Variants in FKBP1B observed in about 807,000 individuals in gnomAD.
FKBP1B encodes peptidyl-prolyl cis-trans isomerase FKBP1B.
In FKBP1B, 4 loss-of-function variants were observed where a neutral mutation model predicts 13.5. That is an observed-to-expected ratio of 0.30 (90% CI 0.15 to 0.68). The LOEUF is 0.68. FKBP1B is among the 30% of genes least tolerant of loss of function. The pLI is 0.76. For missense variants in FKBP1B, 93 were observed against 136.2 expected (o/e 0.68, Z 1.58); for synonymous variants, 54 against 53.6 (o/e 1.01, Z -0.03).
Position 24,049,771 on chromosome 2 carries a change from A to C in FKBP1B, c.-79A>C. 1 of 1,190,008 alleles carries C rather than the reference A, an allele frequency of 8.4e-7. No individual in the cohort carries two copies. The highest frequency in any genetic ancestry group is 2.7e-5 in the South Asian group (1 of 36,748). 73.7% of individuals were successfully genotyped at this position (1,190,008 alleles called of 1,614,324 possible). A position where few individuals can be genotyped will look rare whatever the true frequency, so the allele number is the denominator to read the frequency against. ...GGCGGCGAGGAGGCGAGCCGGAGCG[A>C]CGGCGGGGCTGGGGCCGGAGCCGAG... is the stretch of plus-strand genomic sequence containing the variant. On this transcript the variant is annotated 5_prime_UTR_variant, in exon 1 of 4. Transcript: ENST00000380986.
At position 24,063,252 on chromosome 2, in the gene FKBP1B, T is replaced by A; in HGVS notation, c.*60T>A. 1 of 1,481,694 alleles carries A rather than the reference T, an allele frequency of 6.7e-7. No individual in the cohort carries two copies. Among genetic ancestry groups the A allele is most frequent in the East Asian group, 2.3e-5 (1 of 43,082 alleles). 91.8% of individuals were successfully genotyped at this position (1,481,694 alleles called of 1,614,324 possible). The stretch of plus-strand genomic sequence containing the variant: ...TGCTGCTCACCCTCCTAGCCTGCTC[T>A]GCCACTGGGACGGCTCCTGCTTTTG... On this transcript the variant is annotated 3_prime_UTR_variant, in exon 4 of 4. Transcript: ENST00000380986.
the FKBP1B span, chr2:24,038,251 G>A: frequency 6.2e-7 from 1 of 1,614,108 alleles, no homozygotes; most frequent in South Asian, 1.1e-5. Flanking sequence ...CTTTGAAGAA[G>A]GAAGAAATGT....
chr2:24,046,654 C>T (rs1175439538), upstream of FKBP1B, among the ~76,000 whole-genome samples: 1 of 152,118 alleles, frequency 6.6e-6, no homozygotes, highest in African/African-American at 2.4e-5. Flanking sequence ...ACTTGTTTTC[C>T]AAGTTTATTG....
upstream of FKBP1B, chr2:24,045,718 A>T (rs536391415): frequency 6.6e-6 from 1 of 151,924 alleles, no homozygotes; most frequent in Non-Finnish European, 1.5e-5. Context: ...AACACCTGTA[A>T]TCCCAGCACT....
the FKBP1B span, among the ~76,000 whole-genome samples, chr2:24,033,431 AT>A: frequency 3.9e-5 from 6 of 152,178 alleles, no homozygotes; most frequent in Non-Finnish European, 5.9e-5. Flanking sequence ...AAAATAAATG[AT>A]TTGTAAATTT....
At chr2:24,038,029 C>G in the FKBP1B span, 3 of 1,614,166 alleles carry the variant, frequency 1.9e-6, no homozygotes, top group Non-Finnish European at 2.5e-6. Context: ...TCCAGGCCTT[C>G]CATTCTGACT....
the FKBP1B span, chr2:24,038,474 C>G: frequency 6.2e-7 from 1 of 1,614,198 alleles, no homozygotes. Context: ...AGATCAGGAA[C>G]CAGAATGCCT....
chr2:24,043,613 T>C, the FKBP1B span, among the ~76,000 whole-genome samples: 1 of 152,246 alleles, frequency 6.6e-6, no homozygotes, highest in Non-Finnish European at 1.5e-5. Context: ...TTTTCACCAC[T>C]CACTCTCTTC....
Position 24,060,776 on chromosome 2 carries a change from G to T in FKBP1B, c.86-38G>T. 4 of 1,497,560 alleles carry T rather than the reference G, an allele frequency of 2.7e-6. No homozygotes were observed. In the South Asian group the frequency reaches 3.4e-5, roughly 13 times the overall value. The allele number at this position is 1,497,560 out of a possible 1,614,324, so 92.8% of individuals were successfully genotyped here. On this transcript the variant is annotated intron_variant, in intron 2 of 3. Transcript: ENST00000380986. Reference sequence around the variant, plus strand: ...GAATCTGAATTGGGAGTTTACTCATGACCACAGCTCTATTGCACCCGATTC... The same window carrying T: ...GAATCTGAATTGGGAGTTTACTCATTACCACAGCTCTATTGCACCCGATTC...
At chr2:24,059,375 G>T (rs544781999) in intron 2 of FKBP1B, among the ~76,000 whole-genome samples, 412 of 149,502 alleles carry the variant, frequency 2.8e-3, no homozygotes, top group African/African-American at 9.6e-3. Flanking sequence ...CAGCACCTGG[G>T]GGGGGGTTCT....
chr2:24,038,523 A>G, the FKBP1B span: 32 of 1,614,140 alleles, frequency 2.0e-5, no homozygotes, highest in Non-Finnish European at 2.5e-5. Flanking sequence ...CTGCCTTCTT[A>G]AAGGTCACAA....
At chr2:24,047,349 T>A (rs1663660488), upstream of FKBP1B, 1 of 151,870 alleles carries the variant, frequency 6.6e-6, no homozygotes, top group Non-Finnish European at 1.5e-5. Flanking sequence ...CACCAATCTC[T>A]CTGTGGCCGC....
At chr2:24,060,548 T>C (rs1664340254) in intron 2 of FKBP1B, among the ~76,000 whole-genome samples, 1 of 152,118 alleles carries the variant, frequency 6.6e-6, no homozygotes, top group East Asian at 1.9e-4. Context: ...TGAGATTCTG[T>C]CTCAAATAAA....
upstream of FKBP1B, among the ~76,000 whole-genome samples, chr2:24,048,490 A>G (rs1002029969): frequency 2.8e-4 from 38 of 138,138 alleles, no homozygotes; most frequent in Non-Finnish European, 5.7e-4. Context: ...AAAAAAAAAA[A>G]GGAGAGAGAG....
At chr2:24,040,960 G>A in the FKBP1B span, among the ~76,000 whole-genome samples, 1 of 152,236 alleles carries the variant, frequency 6.6e-6, no homozygotes, top group Admixed American at 6.5e-5. Flanking sequence ...AGGCTACAGT[G>A]AGCTGAGATC....
the FKBP1B span, among the ~76,000 whole-genome samples, chr2:24,036,085 T>C: frequency 2.7e-5 from 4 of 147,070 alleles, no homozygotes; most frequent in African/African-American, 1.0e-4. Flanking sequence ...AATAAATAAA[T>C]AAATAAATAA....
At chr2:24,037,793 G>A in the FKBP1B span, 1 of 1,614,232 alleles carries the variant, frequency 6.2e-7, no homozygotes, top group Non-Finnish European at 8.5e-7. Context: ...ATTTCAACCA[G>A]GTTCCTAGAT....
the FKBP1B span, chr2:24,038,996 C>T: frequency 6.2e-7 from 1 of 1,614,198 alleles, no homozygotes; most frequent in Non-Finnish European, 8.5e-7. Flanking sequence ...CTCAGGCCAT[C>T]CTGGGTCCAA....
the FKBP1B span, among the ~76,000 whole-genome samples, chr2:24,035,756 A>AAAAAAAAATTTTTTTTAGTT: frequency 7.9e-5 from 12 of 151,138 alleles, no homozygotes; most frequent in Non-Finnish European, 1.5e-4. Context: ...CTCTATAGTT[A>AAAAAAAAATTTTTTTTAGTT]AAAAAAAATT....
Sources: allele counts gnomAD v4.1 joint callset (sites outside exome capture counted in the v4.1 genomes callset), GRCh38; gene constraint gnomAD v4.1.1; transcripts MANE v1.5; gene names NCBI Gene and HGNC (gene_info 2026-07-23, HGNC 2026-07-21).